Variants in ZNF208 observed in about 807,000 individuals in gnomAD.
The protein encoded by ZNF208 is zinc finger protein 208.
In ZNF208, 10 loss-of-function variants were observed where a neutral mutation model predicts 12.1. The ratio of observed to expected loss-of-function variants is 0.83; its 90% CI spans 0.51 to 1.40. The LOEUF (loss-of-function observed/expected upper bound fraction) is 1.40, where lower values mean the gene tolerates loss of function less well. Ranked by LOEUF, ZNF208 falls within the 40% of genes most tolerant of loss-of-function variation. ZNF208 has a pLI of 0.00. For missense variants in ZNF208, 1,652 were observed against 1,485.0 expected (o/e 1.11, Z -1.85); for synonymous variants, 497 against 488.4 (o/e 1.02, Z -0.23).
chr19:21,974,387 A>T lies in ZNF208; in HGVS notation c.647T>A (p.Leu216His), dbSNP rs1243906761. ...AGTATGAGCACTCTTATAATAAGTA[A>T]GGGTTGAGGACCAGTTAAAAGCTTT... The part of the protein sequence containing the change: ...GGKAFNWSST[L>H]TYYKSAHTGE... The change falls in exon 4 of 4, where the codon CTT becomes CAT. Residue 216 changes from leucine to histidine, a missense_variant. Physicochemically the swap from Leu to His is moderately conservative, Grantham distance 99. This residue lies in a region of ZNF208 where 410 missense variants were observed against 378.2 expected (regional missense o/e 1.08). Transcript: ENST00000397126. 5.0e-6 allele frequency: 8 copies of T among 1,613,706 alleles called. No individual in the cohort carries two copies. The highest frequency in any genetic ancestry group is 1.3e-5 in the African/African-American group (1 of 74,908).
Position 21,972,583 on chromosome 19 carries a change from G to A in ZNF208, c.2451C>T (p.Val817=). 6.2e-7 allele frequency: 1 copy of A among 1,613,084 alleles called. No homozygotes were observed. Among genetic ancestry groups the A allele is most frequent in the Non-Finnish European group, 8.5e-7 (1 of 1,179,784 alleles). The change falls in exon 4 of 4, where the codon GTC becomes GTT. Residue 817 remains valine, a synonymous_variant. Coordinates refer to ENST00000397126, the MANE Select transcript of ZNF208 (RefSeq NM_007153.3). ...CEECGKTFSK[V]STLTTHKAIH... is the part of the protein sequence containing the mutation. ...TTGCCTTATGTGTAGTAAGGGTTGAGACCTTACTAAAGGTTTTGCCACATT... is the reference window on the plus strand; with the variant it reads ...TTGCCTTATGTGTAGTAAGGGTTGAAACCTTACTAAAGGTTTTGCCACATT...
chr19:21,980,311 A>G (rs1350337652), intron 3 of ZNF208, among the ~76,000 whole-genome samples: 1 of 151,118 alleles, frequency 6.6e-6, no homozygotes, highest in Non-Finnish European at 1.5e-5. Flanking sequence ...TTGACAACAT[A>G]CTTGGAAGTA....
At chr19:21,952,898 C>T (rs1912573) in intron 4 of ZNF208, among the ~76,000 whole-genome samples, 6 of 152,100 alleles carry the variant, frequency 3.9e-5, no homozygotes, top group African/African-American at 1.4e-4. Flanking sequence ...TCAAAACAAA[C>T]ACAAGGAAGC....
At position 21,971,090 on chromosome 19, in the gene ZNF208, C is replaced by T. The variant is rs189478358; in HGVS notation, c.*101G>A. On this transcript the variant is annotated 3_prime_UTR_variant, in exon 4 of 4. Transcript: ENST00000397126. ...GTTTGAGGACCAGTTGAAAGCCTCA[C>T]CACATTCTTCACATTTGTAGGGTTT... The T allele has an allele frequency of 2.5e-6, 4 of 1,613,122 alleles. No individual in the cohort carries two copies. Among genetic ancestry groups the T allele is most frequent in the South Asian group, 2.2e-5 (2 of 91,040 alleles).
downstream of ZNF208, chr19:21,965,591 C>T (rs1048190868): frequency 1.3e-5 from 2 of 151,912 alleles, no homozygotes; most frequent in African/African-American, 4.8e-5. Context: ...ACCTTCTGAC[C>T]CATTATTTCT....
In ZNF208 at chr19:21,973,287, A is replaced by T. The variant is rs750058773; in HGVS notation, c.1747T>A (p.Cys583Ser). The change falls in exon 4 of 4, where the codon TGT becomes AGT. Residue 583 changes from cysteine (C) to serine (S), a missense_variant. By Grantham distance (112) the Cys-to-Ser change is moderately radical (BLOSUM62 -1). This residue lies in a region of ZNF208 where 1,239 missense variants were observed against 1,086.2 expected (regional missense o/e 1.14). Coordinates refer to ENST00000397126, the MANE Select transcript of ZNF208 (RefSeq NM_007153.3). ...TTAAAAGCTTTGCCACATTCTTCAC[A>T]TTTGTAGGGTTTCTCTACAGTATGA... ...KIHTVEKPYK[C>S]EECGKAFNQS... The T allele has an allele frequency of 6.2e-7, 1 of 1,611,058 alleles. No homozygotes were observed.
At chr19:21,990,867 A>G (rs547426467) in intron 1 of ZNF208, among the ~76,000 whole-genome samples, 2 of 152,300 alleles carry the variant, frequency 1.3e-5, no homozygotes, top group South Asian at 4.1e-4. Context: ...TCTTTGAAGC[A>G]ATTGTGAATG....
Position 21,972,949 on chromosome 19 carries a change from A to C in ZNF208, c.2085T>G (p.Cys695Trp), listed in dbSNP as rs1246446171. ...AGTTGAAAGCTTTGCCACATTCTTC[A>C]CATTTGTAGGGTTTCTCTCCAGTAT... ...VIHTGEKPYKCEECGKAFNWS... is the reference protein window; with the variant it reads ...VIHTGEKPYKWEECGKAFNWS... Residue 695 changes from cysteine (C) to tryptophan (W), a missense_variant, in exon 4 of 4, where the codon TGT becomes TGG. Cys to Trp is a radical substitution (Grantham distance 215). This residue lies in a region of ZNF208 where 1,239 missense variants were observed against 1,086.2 expected (regional missense o/e 1.14). Coordinates refer to ENST00000397126, the MANE Select transcript of ZNF208 (RefSeq NM_007153.3). The C allele has an allele frequency of 5.0e-6, 8 of 1,613,824 alleles. No individual in the cohort carries two copies. The highest frequency in any genetic ancestry group is 1.7e-5 in the Admixed American group (1 of 59,982).
rs61755891 is a variant in ZNF208, at chr19:21,974,460, T to C, written c.574A>G (p.Lys192Glu). The C allele has an allele frequency of 5.6e-6, 9 of 1,613,730 alleles. No homozygotes were observed. Among genetic ancestry groups the C allele is most frequent in the Non-Finnish European group, 7.6e-6 (9 of 1,179,762 alleles). Residue 192 changes from lysine to glutamate, a missense_variant, in exon 4 of 4, where the codon AAA becomes GAA. Around this residue, in one of 3 missense-constraint regions of ZNF208, gnomAD observed 410 missense variants for 378.2 expected, o/e 1.08. Transcript: ENST00000397126. The stretch of plus-strand genomic sequence containing the variant: ...GAATTCTCTCTAGTATAAATTCTTT[T>C]ATGTTGAGATAGGTGTGAAAGCATG... Reference protein sequence around the residue: ...FCMLSHLSQHKRIYTRENSYK... With the variant: ...FCMLSHLSQHERIYTRENSYK...
rs1365897070 is a variant in ZNF208, at chr19:21,973,767, T to C, written c.1267A>G (p.Lys423Glu). ...TKHEVIHTGE[K>E]PYKCEECGKA... ...CCACATTCTTCACATTTGTAGGGTT[T>C]CTCTCCAGTATGAATGACCTCATGT... The change falls in exon 4 of 4, where the codon AAA becomes GAA. Residue 423 changes from lysine to glutamate, a missense_variant. This residue lies in a region of ZNF208 where 1,239 missense variants were observed against 1,086.2 expected (regional missense o/e 1.14). Coordinates refer to ENST00000397126, the MANE Select transcript of ZNF208 (RefSeq NM_007153.3). 6.8e-6 allele frequency: 11 copies of C among 1,606,140 alleles called. No individual in the cohort carries two copies. Among genetic ancestry groups the C allele is most frequent in the Non-Finnish European group, 9.4e-6 (11 of 1,173,762 alleles).
chr19:21,988,939 A>G (rs1456312152), intron 1 of ZNF208, 30 bp from the exon 2 acceptor site: 11 of 1,612,560 alleles, frequency 6.8e-6, no homozygotes, highest in Non-Finnish European at 9.3e-6. Context: ...ATATTTATCA[A>G]CTGGACATGG....
Position 21,971,150 on chromosome 19 carries a change from G to A in ZNF208, c.*41C>T. The A allele has an allele frequency of 1.9e-6, 3 of 1,611,888 alleles. No individual in the cohort carries two copies. Among genetic ancestry groups the A allele is most frequent in the African/African-American group, 1.3e-5 (1 of 74,636 alleles). On this transcript the variant is annotated 3_prime_UTR_variant, in exon 4 of 4. Transcript: ENST00000397126. ...ATGAATTTTCTTATGATAACTAAGG[G>A]TTGAGGGCCACTTATAGGCTTTGCC...
At position 21,973,729 on chromosome 19, in the gene ZNF208, G is replaced by A. The variant is rs1482422465; in HGVS notation, c.1305C>T (p.Asn435=). The part of the protein sequence containing the change: ...YKCEECGKAF[N]WSSNLMEHKK... The stretch of plus-strand genomic sequence containing the variant: ...TATGTTCCATAAGGTTTGAGGACCA[G>A]TTGAAAGCTTTGCCACATTCTTCAC... The change falls in exon 4 of 4, where the codon AAC becomes AAT. Residue 435 remains asparagine, a synonymous_variant. Coordinates refer to ENST00000397126, the MANE Select transcript of ZNF208 (RefSeq NM_007153.3). 1 of 1,608,524 alleles carries A rather than the reference G, an allele frequency of 6.2e-7. No homozygotes were observed. The highest frequency in any genetic ancestry group is 1.1e-5 in the South Asian group (1 of 90,792).
intron 4 of ZNF208, among the ~76,000 whole-genome samples, chr19:21,948,919 T>C (rs1281724736): frequency 4.6e-5 from 7 of 152,208 alleles, no homozygotes; most frequent in South Asian, 4.1e-4. Context: ...AATATTCTAA[T>C]TGGAGTCCTT....
At chr19:21,984,538 T>C (rs748207493) in intron 3 of ZNF208, among the ~76,000 whole-genome samples, 85 of 151,916 alleles carry the variant, frequency 5.6e-4, no homozygotes, top group Non-Finnish European at 9.1e-4. Context: ...GGTGATAGAG[T>C]AAGACTCTGT....
intron 1 of ZNF208, among the ~76,000 whole-genome samples, 181 bp downstream of exon 1, chr19:22,010,611 G>A (rs1222606039): frequency 1.3e-5 from 2 of 152,232 alleles, no homozygotes; most frequent in African/African-American, 4.8e-5. Context: ...GACGCCCGGG[G>A]ACCGGGTGTC....
intron 3 of ZNF208, among the ~76,000 whole-genome samples, chr19:21,979,571 G>C (rs1165199377): frequency 1.3e-5 from 2 of 152,198 alleles, no homozygotes; most frequent in African/African-American, 4.8e-5. Context: ...AAGAGCTCCT[G>C]AAGGAAGCAC....
chr19:21,977,377 G>A (rs1359564248), intron 3 of ZNF208, among the ~76,000 whole-genome samples: 3 of 152,194 alleles, frequency 2.0e-5, no homozygotes, highest in African/African-American at 4.8e-5. Context: ...CTGAGGTACT[G>A]GTTTCATCTC....
At chr19:21,940,646 T>C (rs139765232) in intron 4 of ZNF208, 3,016 of 152,502 alleles carry the variant, frequency 0.02, 35 homozygotes, top group Middle Eastern at 0.048. Context: ...GGATCCTGGG[T>C]CCCTCTGTCC....
Sources: gnomAD v4.1 joint callset for allele counts (sites outside exome capture counted in the v4.1 genomes callset) on GRCh38, gnomAD v4.1.1 for gene constraint, gnomAD v4.1.1 regional missense constraint, MANE v1.5 for transcripts, NCBI Gene and HGNC (gene_info 2026-07-23, HGNC 2026-07-21) for gene names.